The following ENTREP1 variants were observed in gnomAD, a reference collection of about 807,000 sequenced individuals.
ENTREP1 encodes the protein Friedreich ataxia region gene X123.
chr9:69,336,187 A>G, the ENTREP1 span: 203 of 1,329,408 alleles, frequency 1.5e-4, no homozygotes, highest in Non-Finnish European at 1.9e-4. Flanking sequence ...TCCATTTTCT[A>G]TATTTATGAT....
the ENTREP1 span, chr9:69,336,413 A>T: frequency 1.1e-5 from 6 of 534,638 alleles, no homozygotes; most frequent in Non-Finnish European, 2.0e-5. Context: ...AAGTCAGATG[A>T]TCATAACCAG....
the ENTREP1 span, among the ~76,000 whole-genome samples, chr9:69,366,423 T>C: frequency 6.7e-6 from 1 of 149,778 alleles, no homozygotes. Flanking sequence ...TTTGAGTTTC[T>C]TGTATATTCC....
chr9:69,360,507 T>TAACTTGTTC, the ENTREP1 span, among the ~76,000 whole-genome samples: 4 of 152,230 alleles, frequency 2.6e-5, no homozygotes, highest in East Asian at 5.8e-4. Flanking sequence ...TAACAAAGGT[T>TAACTTGTTC]AACTTGTTCA....
the ENTREP1 span, among the ~76,000 whole-genome samples, chr9:69,341,142 C>T: frequency 6.6e-6 from 1 of 152,056 alleles, no homozygotes. Flanking sequence ...AGCTCTATGC[C>T]TGTATTTTGG....
the ENTREP1 span, chr9:69,392,415 C>T: frequency 6.5e-6 from 1 of 153,656 alleles, no homozygotes; most frequent in African/African-American, 2.4e-5. Context: ...AACTAGAGAC[C>T]CCTAAGGCAG....
chr9:69,375,891 C>A, the ENTREP1 span: 5 of 1,605,200 alleles, frequency 3.1e-6, no homozygotes, highest in South Asian at 1.1e-5. Context: ...CCCACCCGCA[C>A]GGTAAATACA....
At chr9:69,324,882 T>C in the ENTREP1 span, 1 of 985,200 alleles carries the variant, frequency 1.0e-6, no homozygotes, top group Non-Finnish European at 1.2e-6. Flanking sequence ...GCTGAGACTC[T>C]CGGTGGCCGG....
the ENTREP1 span, among the ~76,000 whole-genome samples, chr9:69,358,942 C>T: frequency 7.1e-6 from 1 of 141,730 alleles, no homozygotes; most frequent in East Asian, 2.1e-4. Context: ...CTTACCCTGT[C>T]ACCCAGGCTG....
chr9:69,361,285 A>AT, the ENTREP1 span, among the ~76,000 whole-genome samples: 1 of 152,078 alleles, frequency 6.6e-6, no homozygotes, highest in Non-Finnish European at 1.5e-5. Context: ...TTCTCAGTTG[A>AT]TTCCTCTGTC....
chr9:69,325,381 G>C, the ENTREP1 span: 1 of 1,143,222 alleles, frequency 8.7e-7, no homozygotes. Context: ...CGCAGGCCGG[G>C]GGCCCGGGCG....
At chr9:69,391,853 C>T in the ENTREP1 span, 1 of 1,504,798 alleles carries the variant, frequency 6.6e-7, no homozygotes, top group Non-Finnish European at 9.0e-7. Context: ...CCTCTCCTCT[C>T]TGCCATTTCT....
chr9:69,336,972 A>G, the ENTREP1 span, among the ~76,000 whole-genome samples: 1 of 140,642 alleles, frequency 7.1e-6, no homozygotes, highest in Non-Finnish European at 1.5e-5. Flanking sequence ...TGCTGAGATT[A>G]CAGGCGTCAG....
the ENTREP1 span, among the ~76,000 whole-genome samples, chr9:69,372,551 T>C: frequency 1.5e-4 from 23 of 152,350 alleles, no homozygotes; most frequent in African/African-American, 5.3e-4. Flanking sequence ...TATTCCATTG[T>C]ATATACATGA....
chr9:69,361,282 T>C, the ENTREP1 span, among the ~76,000 whole-genome samples: 35 of 152,342 alleles, frequency 2.3e-4, no homozygotes, highest in East Asian at 5.0e-3. Context: ...CTCTTCTCAG[T>C]TGATTCCTCT....
the ENTREP1 span, among the ~76,000 whole-genome samples, chr9:69,357,961 G>A: frequency 6.6e-5 from 10 of 152,258 alleles, no homozygotes; most frequent in Admixed American, 3.3e-4. Context: ...AAGTGGTTAC[G>A]TTAACTGTCA....
chr9:69,327,081 G>C, the ENTREP1 span, among the ~76,000 whole-genome samples: 1 of 151,488 alleles, frequency 6.6e-6, no homozygotes, highest in Non-Finnish European at 1.5e-5. Context: ...CATTAAGAAC[G>C]TTAGGTTCCT....
At chr9:69,372,279 AC>A in the ENTREP1 span, among the ~76,000 whole-genome samples, 1 of 152,210 alleles carries the variant, frequency 6.6e-6, no homozygotes, top group Non-Finnish European at 1.5e-5. Flanking sequence ...ATTGTTGACA[AC>A]CAATCTCTAG....
chr9:69,369,341 T>C, the ENTREP1 span, among the ~76,000 whole-genome samples: 1 of 152,192 alleles, frequency 6.6e-6, no homozygotes. Context: ...CCTTTGGGTA[T>C]ATACCCAGTA....
At chr9:69,351,545 T>C in the ENTREP1 span, among the ~76,000 whole-genome samples, 1 of 152,158 alleles carries the variant, frequency 6.6e-6, no homozygotes, top group Non-Finnish European at 1.5e-5. Flanking sequence ...GCCTTTGGAG[T>C]AGCTGGGACT....
Sources: allele counts gnomAD v4.1 joint callset (sites outside exome capture counted in the v4.1 genomes callset), GRCh38; gene constraint gnomAD v4.1.1; transcripts MANE v1.5; gene names NCBI Gene and HGNC (gene_info 2026-07-23, HGNC 2026-07-21).